The following DENND1B variants were observed in gnomAD, a reference collection of about 807,000 sequenced individuals.
The protein encoded by DENND1B is DENN domain-containing protein 1B.
In DENND1B, 59 loss-of-function variants were observed where a neutral mutation model predicts 90.1. The observed-to-expected ratio is 0.65, with a 90% CI of 0.53 to 0.81. The LOEUF (loss-of-function observed/expected upper bound fraction) is 0.81, where lower values mean the gene tolerates loss of function less well. DENND1B is among the 40% of genes least tolerant of loss of function. The pLI is 0.00. For synonymous variants in DENND1B, 337 were observed against 324.6 expected (o/e 1.04, Z -0.41); for missense variants, 862 against 912.6 (o/e 0.94, Z 0.71).
intron 10 of DENND1B, among the ~76,000 whole-genome samples, chr1:197,626,975 C>G (rs1376333799): frequency 6.6e-6 from 1 of 152,022 alleles, no homozygotes; most frequent in Non-Finnish European, 1.5e-5. Context: ...AAGACTAAAC[C>G]AGGAAGAAGT....
chr1:197,609,378 T>C (rs982804359), intron 12 of DENND1B, among the ~76,000 whole-genome samples: 1 of 150,538 alleles, frequency 6.6e-6, no homozygotes, highest in Non-Finnish European at 1.5e-5. Context: ...GGGTCAACAT[T>C]TTATTTAGAA....
intron 20 of DENND1B, among the ~76,000 whole-genome samples, chr1:197,515,112 G>A (rs540597759): frequency 2.0e-5 from 3 of 151,692 alleles, no homozygotes; most frequent in South Asian, 2.1e-4. Context: ...CAAAGAGTAA[G>A]CAAATTTATG....
intron 3 of DENND1B, among the ~76,000 whole-genome samples, chr1:197,681,743 T>C (rs1290482123): frequency 3.9e-5 from 6 of 152,148 alleles, no homozygotes; most frequent in Non-Finnish European, 8.8e-5. Context: ...CTATTTTACA[T>C]TTCTCCTCAG....
intron 11 of DENND1B, among the ~76,000 whole-genome samples, chr1:197,615,165 T>A (rs1677533291): frequency 6.6e-6 from 1 of 151,160 alleles, no homozygotes; most frequent in South Asian, 2.1e-4. Flanking sequence ...AGTATGTGTG[T>A]ATTTCTTGCT....
intron 15 of DENND1B, among the ~76,000 whole-genome samples, chr1:197,568,002 G>T (rs1449141612): frequency 6.6e-6 from 1 of 150,736 alleles, no homozygotes; most frequent in Non-Finnish European, 1.5e-5. Flanking sequence ...TGAGGGGAGG[G>T]AGGGAAGGAA....
chr1:197,705,052 G>T (rs927186010), intron 3 of DENND1B, among the ~76,000 whole-genome samples: 8 of 152,184 alleles, frequency 5.3e-5, no homozygotes, highest in Middle Eastern at 6.8e-3. Flanking sequence ...CTAGTATAGT[G>T]CCCAGTGCAT....
chr1:197,606,920 T>A, intron 13 of DENND1B, 153 bp downstream of exon 13: 1 of 605,280 alleles, frequency 1.7e-6, no homozygotes, highest in East Asian at 3.0e-5. Flanking sequence ...AAGGTAAAAA[T>A]ATTAAATATA....
At chr1:197,595,556 CT>C (rs199943678) in intron 13 of DENND1B, among the ~76,000 whole-genome samples, 1 of 152,026 alleles carries the variant, frequency 6.6e-6, no homozygotes, top group African/African-American at 2.4e-5. Context: ...TTTATGCTCT[CT>C]TTTTTTCCCA....
intron 11 of DENND1B, among the ~76,000 whole-genome samples, chr1:197,612,911 C>T (rs1174825924): frequency 6.6e-6 from 1 of 150,720 alleles, no homozygotes; most frequent in African/African-American, 2.4e-5. Context: ...TTCAACTTGA[C>T]ATTTCAAACC....
At chr1:197,739,024 T>C (rs565804014) in intron 2 of DENND1B, among the ~76,000 whole-genome samples, 1 of 152,072 alleles carries the variant, frequency 6.6e-6, no homozygotes, top group African/African-American at 2.4e-5. Context: ...CTGCAGAAGG[T>C]TCACCACCAA....
intron 18 of DENND1B, among the ~76,000 whole-genome samples, chr1:197,544,841 G>T (rs574588742): frequency 6.9e-6 from 1 of 145,426 alleles, no homozygotes; most frequent in African/African-American, 2.6e-5. Flanking sequence ...GGAAGAGGAG[G>T]AAGAAGAGGA....
At chr1:197,729,963 G>A (rs1484983834) in intron 2 of DENND1B, among the ~76,000 whole-genome samples, 1 of 152,028 alleles carries the variant, frequency 6.6e-6, no homozygotes, top group Non-Finnish European at 1.5e-5. Flanking sequence ...AACGAAAAAG[G>A]CTAATAATGC....
At chr1:197,606,772 T>C (rs1676720667) in intron 13 of DENND1B, 1 of 208,534 alleles carries the variant, frequency 4.8e-6, no homozygotes, top group Non-Finnish European at 9.5e-6. Flanking sequence ...ATGCCTACTT[T>C]GTAATATAAT....
At chr1:197,657,964 T>G (rs575929923) in intron 6 of DENND1B, among the ~76,000 whole-genome samples, 3 of 152,240 alleles carry the variant, frequency 2.0e-5, no homozygotes, top group African/African-American at 7.2e-5. Context: ...CTTGAAGACA[T>G]TATGCTAAAT....
chr1:197,758,811 CATAAGT>C (rs1314057099), intron 2 of DENND1B, among the ~76,000 whole-genome samples: 10 of 151,996 alleles, frequency 6.6e-5, no homozygotes. Context: ...TCCATTAAAG[CATAAGT>C]ATTAGTTTTA....
chr1:197,696,370 C>T (rs753846383), intron 3 of DENND1B, among the ~76,000 whole-genome samples: 1 of 151,320 alleles, frequency 6.6e-6, no homozygotes, highest in African/African-American at 2.4e-5. Flanking sequence ...AACATATGCA[C>T]TTTTCTAAAA....
chr1:197,745,629 T>C (rs1344793911), intron 2 of DENND1B, among the ~76,000 whole-genome samples: 1 of 146,554 alleles, frequency 6.8e-6, no homozygotes, highest in African/African-American at 2.5e-5. Flanking sequence ...TATATATATA[T>C]ATATATATAT....
At chr1:197,757,938 G>A (rs1221946294) in intron 2 of DENND1B, among the ~76,000 whole-genome samples, 2 of 152,078 alleles carry the variant, frequency 1.3e-5, no homozygotes, top group Non-Finnish European at 2.9e-5. Context: ...TTCCTTCAAG[G>A]ATATAAGCCC....
At chr1:197,747,320 T>C (rs1652838286) in intron 2 of DENND1B, 1 of 587,776 alleles carries the variant, frequency 1.7e-6, no homozygotes, top group Non-Finnish European at 3.2e-6. Flanking sequence ...CTATGATTTC[T>C]GTTTTTCTGA....
Sources: gnomAD v4.1 joint callset for allele counts (sites outside exome capture counted in the v4.1 genomes callset) on GRCh38, gnomAD v4.1.1 for gene constraint, MANE v1.5 for transcripts, NCBI Gene and HGNC (gene_info 2026-07-23, HGNC 2026-07-21) for gene names.